The following HTT variants were observed in gnomAD, a reference collection of about 807,000 sequenced individuals.
HTT encodes the protein huntington disease protein.
A neutral mutation model predicts 362.3 loss-of-function variants in HTT; 104 were observed. That is an observed-to-expected ratio of 0.29 (90% CI 0.24 to 0.34). The LOEUF is 0.34. Ranked by LOEUF, HTT falls within the 10% of genes least tolerant of loss-of-function variation. HTT has a pLI of 1.00. For missense variants in HTT, 3,301 were observed against 3,928.6 expected (o/e 0.84, Z 4.27); for synonymous variants, 1,577 against 1,548.7 (o/e 1.02, Z -0.43).
chr4:3,226,172 C>T (rs1720902120), intron 57 of HTT, among the ~76,000 whole-genome samples: 1 of 151,838 alleles, frequency 6.6e-6, no homozygotes, highest in African/African-American at 2.4e-5. Flanking sequence ...GTCCCTGGGG[C>T]CAGCTCTTGG....
At position 3,172,892 on chromosome 4, in the gene HTT, A is replaced by G. The variant is rs949405380; in HGVS notation, c.3943-16A>G. On this transcript the variant is annotated splice_polypyrimidine_tract_variant and intron_variant, in intron 30 of 66. Coordinates refer to ENST00000355072, the MANE Select transcript of HTT (RefSeq NM_001388492.1). ...GTTCACGCCACATTGTTGATGCCTC[A>G]TTTTTTTCACTGTAGTTGTTGAAGA... 3 of 1,594,670 alleles carry G rather than the reference A, an allele frequency of 1.9e-6. No individual in the cohort carries two copies. The highest frequency in any genetic ancestry group is 1.1e-5 in the South Asian group (1 of 90,674).
rs1227289164 is a variant in HTT at position 3,206,423 on chromosome 4, C to G, written c.5719-73C>G. On this transcript the variant is annotated intron_variant, in intron 42 of 66. Coordinates refer to ENST00000355072, the MANE Select transcript of HTT (RefSeq NM_001388492.1). This position sits in a 1 kb window ranked among gnomAD's most constrained non-coding sequence, Gnocchi z 4.6. ...GTTTTCTCCTTCTTACCCTTTCTGG[C>G]CTTTCTATGGCATTAATACCTGGTC... The G allele has an allele frequency of 8.5e-7, 1 of 1,177,266 alleles. No homozygotes were observed. The highest frequency in any genetic ancestry group is 1.5e-5 in the African/African-American group (1 of 65,928). 72.9% of individuals were successfully genotyped at this position (1,177,266 alleles called of 1,614,324 possible).
intron 46 of HTT, 109 bp downstream of exon 46, chr4:3,209,020 G>T: frequency 1.6e-6 from 2 of 1,241,810 alleles, no homozygotes; most frequent in African/African-American, 1.5e-5. Flanking sequence ...AGGAGTTCTG[G>T]CGCTCGGCTC....
At position 3,140,660 on chromosome 4, in the gene HTT, T is replaced by TG; in HGVS notation, c.2945+5dup. On this transcript the variant is annotated splice_donor_region_variant and intron_variant, in intron 22 of 66. Transcript: ENST00000355072. Reference sequence around the variant, plus strand: ...TCTCCGTCAGCACAATAACCAGGTATGCTGACCCAGTGGCATCTTCACATT... The same window carrying TG: ...TCTCCGTCAGCACAATAACCAGGTATGGCTGACCCAGTGGCATCTTCACATT... The TG allele has an allele frequency of 6.2e-7, 1 of 1,613,390 alleles. No homozygotes were observed. The highest frequency in any genetic ancestry group is 8.5e-7 in the Non-Finnish European group (1 of 1,179,534).
chr4:3,169,654 A>G (rs1404531411), intron 29 of HTT, among the ~76,000 whole-genome samples: 6 of 151,270 alleles, frequency 4.0e-5, no homozygotes. Context: ...GCTCACTGCA[A>G]CCTCCACCTC....
Position 3,173,141 on chromosome 4 carries a change from G to A in HTT, c.4166+10G>A. 1 of 1,608,814 alleles carries A rather than the reference G, an allele frequency of 6.2e-7. No individual in the cohort carries two copies. The highest frequency in any genetic ancestry group is 8.5e-7 in the Non-Finnish European group (1 of 1,175,772). On this transcript the variant is annotated intron_variant, in intron 31 of 66. Transcript: ENST00000355072. ...AGAACGACACCTCGGGGTAACAGTTGTGGCAAGAATGCTGTCGTTGGTGGA... is the reference window on the plus strand; with the variant it reads ...AGAACGACACCTCGGGGTAACAGTTATGGCAAGAATGCTGTCGTTGGTGGA...
At chr4:3,084,471 C>G (rs1713091927) in intron 1 of HTT, among the ~76,000 whole-genome samples, 1 of 151,796 alleles carries the variant, frequency 6.6e-6, no homozygotes. Flanking sequence ...GGGCAGATCA[C>G]TTGAGGTCAG....
chr4:3,150,141 T>C (rs531593613), intron 26 of HTT, among the ~76,000 whole-genome samples: 2 of 152,300 alleles, frequency 1.3e-5, no homozygotes, highest in East Asian at 3.9e-4. Flanking sequence ...TCTCTCTTTG[T>C]AGTCTCTGGG....
At chr4:3,129,447 A>G (rs1042124142) in intron 12 of HTT, 4 of 156,476 alleles carry the variant, frequency 2.6e-5, no homozygotes, top group East Asian at 1.9e-4. Flanking sequence ...TCAAGTGGAC[A>G]TGAAACATCT....
In HTT at chr4:3,125,587, G is replaced by T; in HGVS notation, c.1360G>T (p.Asp454Tyr). The change falls in exon 11 of 67, where the codon GAC (aspartate) becomes TAC (tyrosine). Residue 454 changes from aspartate to tyrosine, a missense_variant. Asp to Tyr is a radical substitution (Grantham distance 160). This residue lies in a region of HTT where 2,316 missense variants were observed against 2,658.5 expected (regional missense o/e 0.87). Transcript: ENST00000355072. ...LLGEEEALED[D>Y]SESRSDVSSS... is the part of the protein sequence containing the mutation. ...AGGAGAAGAAGAAGCCTTGGAGGATGACTCTGAATCGAGATCGGATGTCAG... is the reference window on the plus strand; with the variant it reads ...AGGAGAAGAAGAAGCCTTGGAGGATTACTCTGAATCGAGATCGGATGTCAG... 1 of 1,613,940 alleles carries T rather than the reference G, an allele frequency of 6.2e-7. No homozygotes were observed. Among genetic ancestry groups the T allele is most frequent in the South Asian group, 1.1e-5 (1 of 91,080 alleles).
chr4:3,202,712 A>G (rs1164537412), intron 41 of HTT, among the ~76,000 whole-genome samples: 1 of 152,206 alleles, frequency 6.6e-6, no homozygotes, highest in Non-Finnish European at 1.5e-5. Flanking sequence ...GCAGAAGGCC[A>G]TAGAAATAGA....
chr4:3,179,086 C>G (rs73073064), intron 35 of HTT, among the ~76,000 whole-genome samples: 1,790 of 152,282 alleles, frequency 0.012, 33 homozygotes, highest in African/African-American at 0.041. Flanking sequence ...GGCTTTTGAA[C>G]TTTGACAGGG....
intron 28 of HTT, among the ~76,000 whole-genome samples, chr4:3,159,029 G>T (rs960011600): frequency 6.6e-6 from 1 of 152,148 alleles, no homozygotes; most frequent in Non-Finnish European, 1.5e-5. Context: ...CTCCTGCTGC[G>T]CAGCTTCTCA....
intron 20 of HTT, 60 bp from the exon 21 acceptor site, chr4:3,136,166 T>C (rs546371268): frequency 8.3e-7 from 1 of 1,211,954 alleles, no homozygotes; most frequent in Non-Finnish European, 1.2e-6. Context: ...CCAAAATATC[T>C]TACCTAAAAT....
intron 33 of HTT, 123 bp downstream of exon 33, chr4:3,175,230 G>T: frequency 1.1e-6 from 1 of 942,340 alleles, no homozygotes. Context: ...AGTTGCTGCT[G>T]CTTATCTTTT....
intron 46 of HTT, among the ~76,000 whole-genome samples, chr4:3,209,239 C>T (rs1209428795): frequency 6.6e-6 from 1 of 152,160 alleles, no homozygotes; most frequent in Non-Finnish European, 1.5e-5. Context: ...CTCCTCATAC[C>T]TTCTGGCCAC....
intron 21 of HTT, among the ~76,000 whole-genome samples, chr4:3,137,576 G>A (rs1002169743): frequency 3.9e-5 from 6 of 152,108 alleles, no homozygotes; most frequent in Admixed American, 2.6e-4. Flanking sequence ...GCACACGCCT[G>A]TAATCCCAGC....
intron 1 of HTT, among the ~76,000 whole-genome samples, chr4:3,084,685 A>C (rs1458806267): frequency 7.4e-6 from 1 of 135,408 alleles, no homozygotes; most frequent in Non-Finnish European, 1.6e-5. Flanking sequence ...GTAAGACTCC[A>C]TCTCCAAAAA....
chr4:3,187,151 AC>A (rs559753566), intron 38 of HTT, among the ~76,000 whole-genome samples: 2 of 146,426 alleles, frequency 1.4e-5, no homozygotes, highest in South Asian at 2.2e-4. Context: ...GAGCCACCGC[AC>A]CCGGCCTTTT....
Sources: gnomAD v4.1 joint callset for allele counts (sites outside exome capture counted in the v4.1 genomes callset) on GRCh38, gnomAD v4.1.1 for gene constraint, gnomAD v4.1.1 regional missense constraint, Gnocchi (gnomAD v3.1) non-coding constraint, MANE v1.5 for transcripts, NCBI Gene and HGNC (gene_info 2026-07-23, HGNC 2026-07-21) for gene names.